Variants in SSBP2 observed in about 807,000 individuals in gnomAD.
SSBP2 encodes single-stranded DNA-binding protein 2.
A neutral mutation model predicts 61.8 loss-of-function variants in SSBP2; 17 were observed. The ratio of observed to expected loss-of-function variants is 0.28; its 90% CI spans 0.19 to 0.41. The LOEUF (loss-of-function observed/expected upper bound fraction) is 0.41. Ranked by LOEUF, SSBP2 falls within the 10% of genes least tolerant of loss-of-function variation. The pLI is 1.00. For missense variants in SSBP2, 310 were observed against 458.7 expected, an observed-to-expected ratio of 0.68 and a Z score of 2.96; for synonymous variants, 139 against 141.3, an observed-to-expected ratio of 0.98 and a Z score of 0.12.
At chr5:81,494,550 T>A (rs1223098673) in intron 5 of SSBP2, among the ~76,000 whole-genome samples, 1 of 152,188 alleles carries the variant, frequency 6.6e-6, no homozygotes, top group African/African-American at 2.4e-5. Context: ...AGAGAGATGA[T>A]CTCTTTCCTT....
chr5:81,711,903 T>TA (rs1754813630), intron 1 of SSBP2, among the ~76,000 whole-genome samples: 1 of 151,848 alleles, frequency 6.6e-6, no homozygotes, highest in Admixed American at 6.6e-5. Flanking sequence ...GGGAGGAAAA[T>TA]AAGAGTCCCT....
chr5:81,570,931 C>G (rs759511096), intron 4 of SSBP2, among the ~76,000 whole-genome samples: 1 of 152,190 alleles, frequency 6.6e-6, no homozygotes, highest in African/African-American at 2.4e-5. Flanking sequence ...ACTCCTACTG[C>G]TCTTCCACAT....
chr5:81,651,317 T>G (rs1749706014), intron 1 of SSBP2, among the ~76,000 whole-genome samples: 1 of 152,170 alleles, frequency 6.6e-6, no homozygotes, highest in Non-Finnish European at 1.5e-5. Flanking sequence ...GATTTTCGAC[T>G]GTTAAAGATT....
chr5:81,452,242 C>T (rs1238824747), intron 10 of SSBP2, among the ~76,000 whole-genome samples: 2 of 152,156 alleles, frequency 1.3e-5, no homozygotes, highest in East Asian at 3.8e-4. Flanking sequence ...AATAAGGAGT[C>T]ATGGGTTTTA....
rs181139779 is a variant in SSBP2, at chr5:81,494,605, C to T, written c.373-5296G>A. Among the ~76,000 whole-genome samples the T allele has an allele frequency of 2.1e-3, 315 of 152,260 alleles. 2 individuals carry two copies. The highest frequency in any genetic ancestry group is 7.3e-3 in the African/African-American group (304 of 41,550). ...GCCATCTGCAAGCCAGGAGGAGGGT[C>T]CTCTCCAGGAGTCAAATTGGCTGGC... On this transcript the variant is annotated intron_variant, in intron 5 of 16. Coordinates refer to ENST00000320672, the MANE Select transcript of SSBP2 (RefSeq NM_012446.5).
intron 4 of SSBP2, among the ~76,000 whole-genome samples, chr5:81,595,134 C>T (rs1466810095): frequency 1.3e-4 from 19 of 151,882 alleles, no homozygotes; most frequent in African/African-American, 2.2e-4. Context: ...ATCAAATAGA[C>T]GCAATAAAAA....
chr5:81,722,079 A>G (rs1205962936), intron 1 of SSBP2, among the ~76,000 whole-genome samples: 4 of 152,090 alleles, frequency 2.6e-5, no homozygotes, highest in African/African-American at 9.7e-5. Context: ...TACTGCCCAA[A>G]TGCTATATGC....
intron 1 of SSBP2, among the ~76,000 whole-genome samples, chr5:81,742,258 C>T (rs1449137017): frequency 1.3e-5 from 2 of 152,036 alleles, no homozygotes; most frequent in Non-Finnish European, 2.9e-5. Flanking sequence ...TAAAAATATA[C>T]ACACATCATA....
At chr5:81,711,568 GA>G (rs1191713268) in intron 1 of SSBP2, among the ~76,000 whole-genome samples, 4 of 151,860 alleles carry the variant, frequency 2.6e-5, no homozygotes. Flanking sequence ...GGACATGCCA[GA>G]AAAGTCTAAG....
intron 5 of SSBP2, among the ~76,000 whole-genome samples, chr5:81,494,615 AG>A (rs1381125925): frequency 6.6e-6 from 1 of 152,190 alleles, no homozygotes; most frequent in Admixed American, 6.5e-5. Context: ...CCTCTCCAGG[AG>A]TCAAATTGGC....
chr5:81,565,281 CTA>C lies in SSBP2; in HGVS notation c.282+50190_282+50191del, dbSNP rs376689594. 2.9e-3 allele frequency among the ~76,000 whole-genome samples: 448 copies of C among 152,174 alleles called. 2 individuals carry two copies. The highest frequency in any genetic ancestry group is 0.011 in the African/African-American group (439 of 41,526). Reference sequence around the variant, plus strand: ...AAGTCACTTAACCAAAAGCAAATGCCTATGAGTTATCTTGTGACAGCAACTGT... The same window carrying C: ...AAGTCACTTAACCAAAAGCAAATGCCTGAGTTATCTTGTGACAGCAACTGT... On this transcript the variant is annotated intron_variant, in intron 4 of 16. Transcript: ENST00000320672.
intron 1 of SSBP2, among the ~76,000 whole-genome samples, chr5:81,698,424 A>G (rs928691166): frequency 5.3e-5 from 8 of 152,254 alleles, no homozygotes; most frequent in African/African-American, 9.6e-5. Flanking sequence ...ATGAACACCA[A>G]AAGTTATCCT....
In SSBP2 at chr5:81,415,070, T is replaced by C. The variant is rs1236428315; in HGVS notation, c.*5434A>G. 3 of 152,210 alleles carry C rather than the reference T, an allele frequency of 2.0e-5. No individual in the cohort carries two copies. Among genetic ancestry groups the C allele is most frequent in the Non-Finnish European group, 4.4e-5 (3 of 68,036 alleles). The allele number at this position is 152,210 out of a possible 1,614,324, so 9.4% of individuals were successfully genotyped here. A position where few individuals can be genotyped will look rare whatever the true frequency, so the allele number is the denominator to read the frequency against. On this transcript the variant is annotated 3_prime_UTR_variant, in exon 17 of 17. Coordinates refer to ENST00000320672, the MANE Select transcript of SSBP2 (RefSeq NM_012446.5). ...GGGAGACCTTTACACATGCTTAAGA[T>C]TGGGTACCATTGCTTTAAACAAACA...
intron 3 of SSBP2, among the ~76,000 whole-genome samples, chr5:81,634,319 T>G (rs1443806647): frequency 6.6e-6 from 1 of 152,204 alleles, no homozygotes; most frequent in Non-Finnish European, 1.5e-5. Flanking sequence ...ATCAGAAAAT[T>G]TTTAAATCTA....
chr5:81,461,477 T>A (rs1764534171), intron 9 of SSBP2, among the ~76,000 whole-genome samples: 1 of 152,158 alleles, frequency 6.6e-6, no homozygotes, highest in Admixed American at 6.5e-5. Context: ...GATATCAATA[T>A]GAGCTTCCTG....
At chr5:81,626,707 T>C (rs111697520) in intron 3 of SSBP2, among the ~76,000 whole-genome samples, 7,858 of 152,236 alleles carry the variant, frequency 0.052, 372 homozygotes, top group African/African-American at 0.12. Context: ...TACATGCAGC[T>C]GCCAGGGATC....
chr5:81,488,627 T>C (rs1310106395), intron 6 of SSBP2, among the ~76,000 whole-genome samples: 1 of 151,932 alleles, frequency 6.6e-6, no homozygotes, highest in Non-Finnish European at 1.5e-5. Context: ...TATGTATACA[T>C]GTGCCATGCT....
chr5:81,548,166 C>A (rs1288569468), intron 4 of SSBP2, among the ~76,000 whole-genome samples: 1 of 152,098 alleles, frequency 6.6e-6, no homozygotes, highest in African/African-American at 2.4e-5. Flanking sequence ...GCTGACTGAT[C>A]AGAGTGGTAG....
intron 4 of SSBP2, among the ~76,000 whole-genome samples, chr5:81,594,031 A>G (rs1743423121): frequency 6.6e-6 from 1 of 152,158 alleles, no homozygotes; most frequent in South Asian, 2.1e-4. Context: ...GCTTCAATTA[A>G]AAGACACAGA....
Sources: gnomAD v4.1 joint callset for allele counts (sites outside exome capture counted in the v4.1 genomes callset) on GRCh38, gnomAD v4.1.1 for gene constraint, MANE v1.5 for transcripts, NCBI Gene and HGNC (gene_info 2026-07-23, HGNC 2026-07-21) for gene names.